TBATA: variants seen among roughly 807,000 people sequenced by gnomAD.
TBATA encodes the protein protein TBATA.
A neutral mutation model predicts 38.7 loss-of-function variants in TBATA; 47 were observed. The observed-to-expected ratio is 1.21, with a 90% CI of 0.96 to 1.55. TBATA has a LOEUF of 1.55. Among genes scored for constraint, TBATA ranks in the 40% most tolerant of loss-of-function variants. The pLI is 0.00. For missense variants in TBATA, 436 were observed against 435.6 expected (o/e 1.00, Z -0.01); for synonymous variants, 183 against 170.5 (o/e 1.07, Z -0.57).
chr10:70,775,453 G>A (rs1033641761), intron 7 of TBATA, among the ~76,000 whole-genome samples, 183 bp from the exon 8 acceptor site: 4 of 152,184 alleles, frequency 2.6e-5, no homozygotes, highest in Non-Finnish European at 4.4e-5. Flanking sequence ...TGCACTTAAC[G>A]GAGGGCTTTG....
At chr10:70,777,132 G>A in intron 7 of TBATA, 21 bp downstream of exon 7, 1 of 1,607,294 alleles carries the variant, frequency 6.2e-7, no homozygotes, top group Non-Finnish European at 8.5e-7. Context: ...CAGGAGCCTG[G>A]GAGCAGAACT....
At chr10:70,772,286 C>G (rs1842867587) in intron 10 of TBATA, 1 of 698,190 alleles carries the variant, frequency 1.4e-6, no homozygotes, top group Non-Finnish European at 2.7e-6. Context: ...AGTTCCGTGA[C>G]AGCAGGAACT....
chr10:70,779,829 G>C (rs949982024), intron 4 of TBATA, 87 bp from the exon 5 acceptor site: 1 of 1,368,634 alleles, frequency 7.3e-7, no homozygotes, highest in Non-Finnish European at 9.8e-7. Context: ...GAGGCAGGGT[G>C]ATTCCGGCTC....
In TBATA at chr10:70,778,731, C is replaced by T. The variant is rs781679471; in HGVS notation, c.428-95G>A. The T allele has an allele frequency of 1.9e-5, 20 of 1,055,696 alleles. 1 individual carries two copies. The South Asian group carries it at 2.4e-4, about 13-fold the overall frequency. 65.4% of individuals were successfully genotyped at this position (1,055,696 alleles called of 1,614,324 possible). ...CTTGGTAGAGGAGTCTGCTCTCCTTCCTGGCCTCCCTGCCTGGATCTTAAA... is the reference window on the plus strand; with the variant it reads ...CTTGGTAGAGGAGTCTGCTCTCCTTTCTGGCCTCCCTGCCTGGATCTTAAA... On this transcript the variant is annotated intron_variant, in intron 5 of 10. Coordinates refer to ENST00000456372, the MANE Select transcript of TBATA (RefSeq NM_001318241.2).
chr10:70,774,517 C>T (rs1489730928), intron 8 of TBATA, among the ~76,000 whole-genome samples, 160 bp from the exon 9 acceptor site: 1 of 152,116 alleles, frequency 6.6e-6, no homozygotes, highest in African/African-American at 2.4e-5. Context: ...TCTCCTGGCC[C>T]ATGTGTGCAG....
chr10:70,778,825 A>G, intron 5 of TBATA, 189 bp from the exon 6 acceptor site: 6 of 499,120 alleles, frequency 1.2e-5, no homozygotes, highest in Non-Finnish European at 2.3e-5. Context: ...TGGTTGTGGC[A>G]GTGGGTGGGG....
chr10:70,771,488 G>T (rs997514373), intron 10 of TBATA, 27 bp from the exon 11 acceptor site: 43 of 1,608,934 alleles, frequency 2.7e-5, no homozygotes, highest in Non-Finnish European at 3.7e-5. Context: ...CAGCAGGCAG[G>T]AGAGGACCGG....
chr10:70,772,631 G>A (rs969776534), intron 9 of TBATA, 65 bp from the exon 10 acceptor site: 9 of 1,549,776 alleles, frequency 5.8e-6, no homozygotes, highest in Non-Finnish European at 8.0e-6. Flanking sequence ...ACGGGTGGCA[G>A]GGGAGACAGG....
intron 1 of TBATA, among the ~76,000 whole-genome samples, chr10:70,784,991 T>C (rs77505184): frequency 6.6e-6 from 1 of 150,978 alleles, no homozygotes; most frequent in Non-Finnish European, 1.5e-5. Context: ...AAATGTTAGA[T>C]ATGATCCATT....
In TBATA at chr10:70,777,300, C is replaced by T. The variant is rs373417073; in HGVS notation, c.546G>A (p.Gly182=). 3.1e-6 allele frequency: 5 copies of T among 1,613,666 alleles called. No homozygotes were observed. The highest frequency in any genetic ancestry group is 1.7e-4 in the Middle Eastern group (1 of 6,054). The change falls in exon 7 of 11, where the codon GGG becomes GGA. Residue 182 remains glycine (G), a synonymous_variant. Coordinates refer to ENST00000456372, the MANE Select transcript of TBATA (RefSeq NM_001318241.2). ...TCCCAGTCTCTGCTGAGTACTTTGC[C>T]CCCTGCTCCCGCAGAGGCTCCTCCT... The part of the protein sequence containing the change: ...EQKEEPLREQ[G]AKYSAETGRL...
chr10:70,778,162 A>T (rs1383902360), intron 6 of TBATA, among the ~76,000 whole-genome samples: 2 of 151,828 alleles, frequency 1.3e-5, no homozygotes, highest in Non-Finnish European at 2.9e-5. Flanking sequence ...AAATCTTGGC[A>T]ATTAAGAACA....
At chr10:70,778,401 GCT>G (rs889994132) in intron 6 of TBATA, 154 bp downstream of exon 6, 1 of 777,756 alleles carries the variant, frequency 1.3e-6, no homozygotes. Flanking sequence ...ACCTAGGTGT[GCT>G]CTCTCCCTCA....
At chr10:70,772,799 G>A (rs558309942) in intron 9 of TBATA, among the ~76,000 whole-genome samples, 18 of 152,304 alleles carry the variant, frequency 1.2e-4, no homozygotes, top group East Asian at 7.7e-4. Context: ...TGGCCCTGCC[G>A]TCTGCAGTTA....
rs368319682 is a variant in TBATA at position 70,777,327 on chromosome 10, C to T, written c.519G>A (p.Gln173=). The T allele has an allele frequency of 4.3e-6, 7 of 1,612,728 alleles. No homozygotes were observed. Among genetic ancestry groups the T allele is most frequent in the African/African-American group, 2.7e-5 (2 of 74,894 alleles). The change falls in exon 7 of 11, where the codon CAG becomes CAA. Residue 173 remains glutamine, a synonymous_variant. Transcript: ENST00000456372. ...DELKKKEQKE[Q]KEEPLREQGA... ...CCTGCTCCCGCAGAGGCTCCTCCTT[C>T]TGCTCCTTCTGCTGGGACAAAAGTG...
intron 5 of TBATA, 30 bp from the exon 6 acceptor site, chr10:70,778,666 T>C: frequency 1.2e-6 from 2 of 1,605,268 alleles, no homozygotes; most frequent in Non-Finnish European, 1.7e-6. Context: ...TCCTGCCAAC[T>C]GAAGTCAGGG....
intron 8 of TBATA, among the ~76,000 whole-genome samples, chr10:70,774,687 C>T (rs1843163137): frequency 6.6e-6 from 1 of 152,192 alleles, no homozygotes; most frequent in African/African-American, 2.4e-5. Flanking sequence ...ACTCTCCTGT[C>T]CAGGAAGTCT....
intron 7 of TBATA, 99 bp from the exon 8 acceptor site, chr10:70,775,369 T>C: frequency 9.5e-7 from 1 of 1,054,876 alleles, no homozygotes; most frequent in Admixed American, 1.9e-5. Flanking sequence ...TCCCCCAAAG[T>C]GGGCTCCCAG....
intron 4 of TBATA, among the ~76,000 whole-genome samples, chr10:70,780,979 G>A (rs1844135708): frequency 6.6e-6 from 1 of 152,224 alleles, no homozygotes; most frequent in African/African-American, 2.4e-5. Context: ...TGTGCTCTCA[G>A]CCTTCCAAGG....
chr10:70,772,395 T>G, intron 10 of TBATA, 119 bp downstream of exon 10: 1 of 944,668 alleles, frequency 1.1e-6, no homozygotes, highest in Middle Eastern at 2.1e-4. Flanking sequence ...AATGAATAGA[T>G]GAAATGAGCA....
Sources: allele counts gnomAD v4.1 joint callset (sites outside exome capture counted in the v4.1 genomes callset), GRCh38; gene constraint gnomAD v4.1.1; transcripts MANE v1.5; gene names NCBI Gene and HGNC (gene_info 2026-07-23, HGNC 2026-07-21).